Variants in ACOT12 observed in about 807,000 individuals in gnomAD.
ACOT12 encodes the protein acetyl-coenzyme A thioesterase.
Under a neutral mutation model 67.7 loss-of-function variants are expected in ACOT12, and 51 were observed. The observed-to-expected ratio is 0.75, with a 90% confidence interval of 0.60 to 0.95. The LOEUF (loss-of-function observed/expected upper bound fraction) is 0.95, where lower values mean the gene tolerates loss of function less well. Ranked by LOEUF, ACOT12 falls within the 40% of genes least tolerant of loss-of-function variation. ACOT12 has a pLI of 0.00. For synonymous variants in ACOT12, 251 were observed against 244.6 expected (o/e 1.03, Z -0.24); for missense variants, 734 against 708.1 (o/e 1.04, Z -0.41).
intron 3 of ACOT12, among the ~76,000 whole-genome samples, chr5:81,367,320 T>C (rs1760109812): frequency 6.6e-6 from 1 of 152,176 alleles, no homozygotes; most frequent in South Asian, 2.1e-4. Flanking sequence ...TCTATTCTTT[T>C]TAAAAGATGA....
intron 10 of ACOT12, among the ~76,000 whole-genome samples, chr5:81,343,465 A>C (rs964279670): frequency 2.6e-5 from 4 of 152,222 alleles, no homozygotes; most frequent in African/African-American, 9.6e-5. Flanking sequence ...TTAATGGTTA[A>C]AAATATTCAA....
chr5:81,383,382 A>C (rs536307713), intron 2 of ACOT12, among the ~76,000 whole-genome samples: 1 of 152,326 alleles, frequency 6.6e-6, no homozygotes, highest in Non-Finnish European at 1.5e-5. Flanking sequence ...AGAAAAAACA[A>C]AATCAAACCT....
chr5:81,343,758 A>T (rs982578216), intron 10 of ACOT12, 60 bp downstream of exon 10: 3 of 1,560,878 alleles, frequency 1.9e-6, no homozygotes, highest in Non-Finnish European at 2.6e-6. Flanking sequence ...AGGCAAGCGG[A>T]TTTCCATTTT....
chr5:81,351,435 C>G (rs1015949337), intron 5 of ACOT12, among the ~76,000 whole-genome samples: 4 of 152,108 alleles, frequency 2.6e-5, no homozygotes, highest in Admixed American at 2.0e-4. Context: ...AACTGGGAAC[C>G]CAGAAACAGA....
intron 5 of ACOT12, among the ~76,000 whole-genome samples, chr5:81,349,396 C>T (rs1026339912): frequency 3.3e-5 from 5 of 152,184 alleles, no homozygotes; most frequent in East Asian, 1.9e-4. Context: ...TCTCCCTTTG[C>T]TCCAGCCACG....
chr5:81,343,871 T>C lies in ACOT12; in HGVS notation c.991A>G (p.Ile331Val), dbSNP rs1382285758. The C allele has an allele frequency of 6.2e-7, 1 of 1,613,140 alleles. No homozygotes were observed. Among genetic ancestry groups the C allele is most frequent in the Non-Finnish European group, 8.5e-7 (1 of 1,179,784 alleles). The change falls in exon 10 of 15, where the codon ATT becomes GTT. Residue 331 changes from isoleucine to valine, a missense_variant. Physicochemically the swap from Ile to Val is conservative, Grantham distance 29. Coordinates refer to ENST00000307624, the MANE Select transcript of ACOT12 (RefSeq NM_130767.3). ...KRIRLGRKYV[I>V]SHKEEVPLCI... ...AGTGGAACCTCTTCTTTGTGGGAAA[T>C]AACATATTTTCTGGAAAAAAAAATT...
chr5:81,357,413 T>A (rs544565575), intron 5 of ACOT12, among the ~76,000 whole-genome samples: 1 of 152,268 alleles, frequency 6.6e-6, no homozygotes, highest in Admixed American at 6.5e-5. Context: ...GAACTACCAG[T>A]CAGTGTGGAA....
Position 81,345,054 on chromosome 5 carries a change from A to G in ACOT12, c.774-13T>C. ...TCCAACTTCAACACTGTGAAGGGTG[A>G]TGCAGGGCGGTGGGCAAAGAGGATC... On this transcript the variant is annotated splice_polypyrimidine_tract_variant and intron_variant, in intron 7 of 14. Transcript: ENST00000307624. 2 of 1,613,704 alleles carry G rather than the reference A, an allele frequency of 1.2e-6. No homozygotes were observed. Among genetic ancestry groups the G allele is most frequent in the Non-Finnish European group, 1.7e-6 (2 of 1,179,844 alleles).
the ACOT12 span, among the ~76,000 whole-genome samples, chr5:81,318,477 C>T: frequency 8.3e-4 from 125 of 149,924 alleles, no homozygotes; most frequent in African/African-American, 3.0e-3. Flanking sequence ...TGTAAGTCCT[C>T]AAACTTTTCA....
In ACOT12 at chr5:81,381,068, C is replaced by CTT. The variant is rs754165884; in HGVS notation, c.197+4687_197+4688dup. Among the ~76,000 whole-genome samples, 875 of 142,318 alleles carry CTT rather than the reference C, an allele frequency of 6.1e-3. 5 individuals carry two copies. The highest frequency in any genetic ancestry group is 0.021 in the African/African-American group (806 of 39,120). 93.4% of individuals were successfully genotyped at this position (142,318 alleles called of 152,430 possible). A position where few individuals can be genotyped will look rare whatever the true frequency, so the allele number is the denominator to read the frequency against. ...TGCAGTAAAAATGCAGTATTAAAAC[C>CTT]TTTTTTTTTTTTTTAGAGATGGGGT... On this transcript the variant is annotated intron_variant, in intron 2 of 14. Transcript: ENST00000307624.
At chr5:81,342,593 A>G in intron 11 of ACOT12, 79 bp downstream of exon 11, 1 of 1,392,586 alleles carries the variant, frequency 7.2e-7, no homozygotes. Flanking sequence ...AAGCCTCAGT[A>G]GAAGCAGTAG....
the ACOT12 span, among the ~76,000 whole-genome samples, chr5:81,322,982 G>C: frequency 6.6e-6 from 1 of 151,910 alleles, no homozygotes; most frequent in Non-Finnish European, 1.5e-5. Context: ...GTGAAATGTG[G>C]GTGGGGACAC....
At chr5:81,367,438 G>A (rs1760114310) in intron 3 of ACOT12, among the ~76,000 whole-genome samples, 1 of 152,150 alleles carries the variant, frequency 6.6e-6, no homozygotes, top group African/African-American at 2.4e-5. Flanking sequence ...GACATGGGAA[G>A]GGAAGTGTGT....
At chr5:81,357,837 C>T (rs1580560196) in intron 5 of ACOT12, among the ~76,000 whole-genome samples, 2 of 151,966 alleles carry the variant, frequency 1.3e-5, no homozygotes, top group Admixed American at 6.6e-5. Flanking sequence ...GAAACCTCGT[C>T]TCCCCTAAAA....
rs143168016 is a variant in ACOT12 at position 81,345,802 on chromosome 5, C to T, written c.773+83G>A. ...AAATGGAATTTCACTAAAGTAGTTC[C>T]CATACTCACCTCCAGGCTGAAATTA... On this transcript the variant is annotated intron_variant, in intron 7 of 14. Coordinates refer to ENST00000307624, the MANE Select transcript of ACOT12 (RefSeq NM_130767.3). 402 of 1,554,420 alleles carry T rather than the reference C, an allele frequency of 2.6e-4. 2 individuals carry two copies. The East Asian group carries it at 6.1e-3, about 23-fold the overall frequency.
downstream of ACOT12, among the ~76,000 whole-genome samples, chr5:81,325,266 A>G (rs1758647137): frequency 6.6e-6 from 1 of 152,178 alleles, no homozygotes; most frequent in Non-Finnish European, 1.5e-5. Flanking sequence ...TCAGGGTAAG[A>G]GACACGAGAA....
chr5:81,319,544 C>A, the ACOT12 span, among the ~76,000 whole-genome samples: 1 of 152,068 alleles, frequency 6.6e-6, no homozygotes, highest in African/African-American at 2.4e-5. Flanking sequence ...ATGGAGAAAC[C>A]CCGTATCTAC....
At position 81,363,817 on chromosome 5, in the gene ACOT12, A is replaced by G; in HGVS notation, c.331T>C (p.Phe111Leu). Residue 111 changes from phenylalanine to leucine, a missense_variant, in exon 4 of 15, where the codon TTT (phenylalanine) becomes CTT (leucine). Phe to Leu is a conservative substitution (Grantham distance 22). Coordinates refer to ENST00000307624, the MANE Select transcript of ACOT12 (RefSeq NM_130767.3). ...TCTTTTCCAACTGGTTTGGCTACAA[A>G]TGTGGAGAAAGCCACACTAACAAGC... The part of the protein sequence containing the change: ...EKLVSVAFST[F>L]VAKPVGKEKI... 1 of 1,611,734 alleles carries G rather than the reference A, an allele frequency of 6.2e-7. No individual in the cohort carries two copies. The highest frequency in any genetic ancestry group is 8.5e-7 in the Non-Finnish European group (1 of 1,178,960).
the ACOT12 span, among the ~76,000 whole-genome samples, chr5:81,311,614 A>C: frequency 1.3e-5 from 2 of 152,238 alleles, no homozygotes; most frequent in African/African-American, 4.8e-5. Context: ...AGAAAATAAA[A>C]AATATGAAAT....
Sources: gnomAD v4.1 joint callset for allele counts (sites outside exome capture counted in the v4.1 genomes callset) on GRCh38, gnomAD v4.1.1 for gene constraint, MANE v1.5 for transcripts, NCBI Gene and HGNC (gene_info 2026-07-23, HGNC 2026-07-21) for gene names.